Variants in SLC35F1 observed in about 807,000 individuals in gnomAD.
SLC35F1 encodes the protein chromosome 6 open reading frame 169.
In SLC35F1, 14 loss-of-function variants were observed where a neutral mutation model predicts 48.7. The ratio of observed to expected loss-of-function variants is 0.29; its 90% CI spans 0.19 to 0.45. The LOEUF is 0.45. Among genes scored for constraint, SLC35F1 ranks in the 20% least tolerant of loss-of-function variants. The pLI is 1.00. For missense variants in SLC35F1, 404 were observed against 500.0 expected (o/e 0.81, Z 1.83); for synonymous variants, 190 against 202.2 (o/e 0.94, Z 0.51).
chr6:118,121,260 A>T (rs1773549669), intron 1 of SLC35F1, among the ~76,000 whole-genome samples: 1 of 152,190 alleles, frequency 6.6e-6, no homozygotes, highest in Admixed American at 6.6e-5. Context: ...AATCTGTGGT[A>T]CTACTCTATT....
chr6:118,286,252 G>T (rs1314590266), intron 7 of SLC35F1, among the ~76,000 whole-genome samples: 1 of 152,186 alleles, frequency 6.6e-6, no homozygotes, highest in African/African-American at 2.4e-5. Context: ...TTCTAGCCAA[G>T]TTCCTCACCA....
intron 7 of SLC35F1, among the ~76,000 whole-genome samples, chr6:118,312,103 G>T (rs560212766): frequency 6.6e-6 from 1 of 152,312 alleles, no homozygotes; most frequent in Non-Finnish European, 1.5e-5. Context: ...AAGCCAGCTT[G>T]GTGGTTAGAA....
At chr6:117,919,814 G>C (rs1200693920) in intron 1 of SLC35F1, among the ~76,000 whole-genome samples, 2 of 152,198 alleles carry the variant, frequency 1.3e-5, no homozygotes, top group Non-Finnish European at 2.9e-5. Context: ...TTCAGCACTA[G>C]CATATGTTCT....
chr6:118,031,055 C>T (rs1582628419), intron 1 of SLC35F1, among the ~76,000 whole-genome samples: 1 of 152,090 alleles, frequency 6.6e-6, no homozygotes, highest in Admixed American at 6.5e-5. Context: ...CAGGCACAGC[C>T]TCCCTCACTA....
chr6:118,208,227 G>A lies in SLC35F1; in HGVS notation c.350-27282G>A, dbSNP rs906200966. Among the ~76,000 whole-genome samples the A allele has an allele frequency of 3.3e-5, 5 of 152,308 alleles. No individual in the cohort carries two copies. The South Asian group carries it at 6.2e-4, about 19-fold the overall frequency. ...GTGCACACAGGGGCTGGAGCACCAG[G>A]ATAAGGCACGTCCTATATGACCAGT... On this transcript the variant is annotated intron_variant, in intron 2 of 7. Coordinates refer to ENST00000360388, the MANE Select transcript of SLC35F1 (RefSeq NM_001029858.4).
chr6:118,235,485 TTTC>T (rs1435055871), intron 2 of SLC35F1, 21 bp from the exon 3 acceptor site: 5 of 1,607,152 alleles, frequency 3.1e-6, no homozygotes, highest in Admixed American at 1.7e-5. Context: ...ACCTAACCCA[TTTC>T]TTCTTAACTT....
At chr6:118,272,831 T>C (rs1444357712) in intron 4 of SLC35F1, among the ~76,000 whole-genome samples, 2 of 148,954 alleles carry the variant, frequency 1.3e-5, no homozygotes, top group Non-Finnish European at 3.0e-5. Flanking sequence ...ATGTAGATAA[T>C]AATTTTTCCA....
intron 2 of SLC35F1, among the ~76,000 whole-genome samples, chr6:118,173,755 T>A (rs1774445895): frequency 6.6e-6 from 1 of 152,094 alleles, no homozygotes; most frequent in Non-Finnish European, 1.5e-5. Context: ...TTGAGACATT[T>A]CAGGCAGAGA....
chr6:117,908,893 T>C (rs909987574), intron 1 of SLC35F1, among the ~76,000 whole-genome samples: 9 of 152,184 alleles, frequency 5.9e-5, no homozygotes, highest in African/African-American at 2.2e-4. Flanking sequence ...CTGTGTGGCA[T>C]TGTGTTGGGT....
intron 1 of SLC35F1, among the ~76,000 whole-genome samples, chr6:117,931,779 T>A (rs1246364611): frequency 1.3e-5 from 2 of 152,200 alleles, no homozygotes; most frequent in Non-Finnish European, 2.9e-5. Flanking sequence ...CAGTGCAGAC[T>A]CCTGAAGGAA....
chr6:118,133,716 G>C (rs140768723), intron 1 of SLC35F1, among the ~76,000 whole-genome samples: 75 of 152,246 alleles, frequency 4.9e-4, no homozygotes, highest in African/African-American at 1.7e-3. Context: ...TGTTGCTGTT[G>C]CTGCTTATAG....
intron 1 of SLC35F1, among the ~76,000 whole-genome samples, chr6:117,954,271 T>G (rs1487103634): frequency 2.6e-5 from 4 of 152,176 alleles, no homozygotes. Context: ...TTCTTTTTTT[T>G]TGAGACGGAG....
intron 1 of SLC35F1, among the ~76,000 whole-genome samples, chr6:117,941,663 T>C (rs1776234977): frequency 6.6e-6 from 1 of 152,262 alleles, no homozygotes; most frequent in South Asian, 2.1e-4. Flanking sequence ...TTACTAATAT[T>C]GCAATAGATT....
chr6:118,190,313 G>C (rs1774714822), intron 2 of SLC35F1, among the ~76,000 whole-genome samples: 1 of 152,040 alleles, frequency 6.6e-6, no homozygotes, highest in African/African-American at 2.4e-5. Context: ...CAGGATCTAT[G>C]TGTTTCCTTA....
At chr6:118,088,082 CTGAGTTACTT>C (rs1219685183) in intron 1 of SLC35F1, among the ~76,000 whole-genome samples, 2 of 152,200 alleles carry the variant, frequency 1.3e-5, no homozygotes, top group African/African-American at 4.8e-5. Flanking sequence ...AATATAATCA[CTGAGTTACTT>C]TAATAGTTAC....
chr6:118,252,049 A>G (rs1775582084), intron 3 of SLC35F1, among the ~76,000 whole-genome samples: 1 of 152,206 alleles, frequency 6.6e-6, no homozygotes, highest in African/African-American at 2.4e-5. Context: ...ACTAGTAGTA[A>G]GAGACTAAAT....
chr6:117,927,684 T>G (rs1776046668), intron 1 of SLC35F1, among the ~76,000 whole-genome samples: 1 of 152,152 alleles, frequency 6.6e-6, no homozygotes, highest in Non-Finnish European at 1.5e-5. Context: ...GTGCCTGCCA[T>G]ATGGTAGATA....
At chr6:118,140,981 T>A (rs960368041) in intron 1 of SLC35F1, among the ~76,000 whole-genome samples, 4 of 152,196 alleles carry the variant, frequency 2.6e-5, no homozygotes, top group African/African-American at 9.7e-5. Flanking sequence ...TGAAAAAAGT[T>A]TATAAGGTAA....
intron 1 of SLC35F1, among the ~76,000 whole-genome samples, chr6:117,932,099 A>T (rs1423251377): frequency 6.6e-6 from 1 of 152,154 alleles, no homozygotes; most frequent in Non-Finnish European, 1.5e-5. Flanking sequence ...CTTCTGCCAC[A>T]TGAGGACACA....
Sources: allele counts gnomAD v4.1 joint callset (sites outside exome capture counted in the v4.1 genomes callset), GRCh38; gene constraint gnomAD v4.1.1; transcripts MANE v1.5; gene names NCBI Gene and HGNC (gene_info 2026-07-23, HGNC 2026-07-21).